Variants in CPAP observed in about 807,000 individuals in gnomAD.
CPAP encodes the protein centrosomal P4.1-associated protein.
the CPAP span, among the ~76,000 whole-genome samples, chr13:24,924,289 A>G: frequency 6.7e-6 from 1 of 148,632 alleles, no homozygotes; most frequent in African/African-American, 2.5e-5. Context: ...AAGTCTCATC[A>G]TTCTTCCTAA....
chr13:24,921,259 G>A, the CPAP span, among the ~76,000 whole-genome samples: 1 of 152,180 alleles, frequency 6.6e-6, no homozygotes, highest in Non-Finnish European at 1.5e-5. Context: ...CCACTCGGTA[G>A]GACCTGCTGC....
chr13:24,923,125 A>G, the CPAP span, among the ~76,000 whole-genome samples: 6 of 152,298 alleles, frequency 3.9e-5, no homozygotes, highest in East Asian at 7.7e-4. Flanking sequence ...ACACTTAGAA[A>G]ACTAAAGGGA....
chr13:24,899,592 G>T, the CPAP span: 1 of 1,611,284 alleles, frequency 6.2e-7, no homozygotes. Flanking sequence ...TTCCTAAAAT[G>T]ACCAAACTAT....
the CPAP span, chr13:24,892,942 C>T: frequency 9.4e-7 from 1 of 1,064,700 alleles, no homozygotes; most frequent in East Asian, 2.4e-5. Context: ...GAATAGAGAC[C>T]CAGCAATGAA....
the CPAP span, among the ~76,000 whole-genome samples, chr13:24,921,620 T>G: frequency 7.8e-6 from 1 of 128,946 alleles, no homozygotes; most frequent in African/African-American, 3.0e-5. Context: ...TCTAAAAAAG[T>G]AATGACTTTT....
At chr13:24,890,598 A>C in the CPAP span, among the ~76,000 whole-genome samples, 2 of 152,176 alleles carry the variant, frequency 1.3e-5, no homozygotes, top group African/African-American at 4.8e-5. Flanking sequence ...GCTGAATAAG[A>C]AAAAAATATG....
chr13:24,921,742 G>A, the CPAP span, among the ~76,000 whole-genome samples: 1 of 151,884 alleles, frequency 6.6e-6, no homozygotes, highest in Non-Finnish European at 1.5e-5. Flanking sequence ...TTCATAATAT[G>A]GAAAACTAGA....
At chr13:24,891,490 T>C in the CPAP span, among the ~76,000 whole-genome samples, 13 of 152,124 alleles carry the variant, frequency 8.5e-5, no homozygotes, top group Non-Finnish European at 1.8e-4. Flanking sequence ...TCCTAGTCAG[T>C]GGGACCTTCA....
At chr13:24,926,661 C>G in the CPAP span, among the ~76,000 whole-genome samples, 68 of 152,216 alleles carry the variant, frequency 4.5e-4, 1 homozygote, top group Admixed American at 1.0e-3. Flanking sequence ...CCTGAGCCCC[C>G]TCCTCCAATA....
At chr13:24,903,876 T>C in the CPAP span, 5 of 1,577,102 alleles carry the variant, frequency 3.2e-6, no homozygotes, top group African/African-American at 6.7e-5. Flanking sequence ...GTCTTAAAGG[T>C]ATAACTGAGT....
At chr13:24,894,943 C>A in the CPAP span, among the ~76,000 whole-genome samples, 1 of 152,052 alleles carries the variant, frequency 6.6e-6, no homozygotes, top group East Asian at 1.9e-4. Flanking sequence ...GAGGAAACGA[C>A]CTGCGGGGTG....
chr13:24,927,074 A>C, the CPAP span, among the ~76,000 whole-genome samples: 3 of 152,224 alleles, frequency 2.0e-5, no homozygotes, highest in Non-Finnish European at 4.4e-5. Context: ...GCACTGGAGA[A>C]GTGCACACAG....
At chr13:24,922,515 G>C in the CPAP span, among the ~76,000 whole-genome samples, 1 of 152,244 alleles carries the variant, frequency 6.6e-6, no homozygotes, top group South Asian at 2.1e-4. Flanking sequence ...CAGAGAGACA[G>C]ACACCCCAGA....
chr13:24,906,974 A>G, the CPAP span: 6 of 1,609,966 alleles, frequency 3.7e-6, no homozygotes, highest in South Asian at 5.5e-5. Flanking sequence ...AAATAAAAGA[A>G]TAATATTTGA....
the CPAP span, among the ~76,000 whole-genome samples, chr13:24,930,117 GCCA>G: frequency 6.6e-6 from 1 of 151,512 alleles, no homozygotes; most frequent in Non-Finnish European, 1.5e-5. Context: ...TCGCTATGTT[GCCA>G]AGGCAAACTC....
At chr13:24,889,946 G>A in the CPAP span, among the ~76,000 whole-genome samples, 43 of 152,086 alleles carry the variant, frequency 2.8e-4, no homozygotes, top group Non-Finnish European at 4.4e-4. Flanking sequence ...CATCCTTCTT[G>A]GTGTCCTACC....
chr13:24,908,673 T>C, the CPAP span, among the ~76,000 whole-genome samples: 1 of 152,202 alleles, frequency 6.6e-6, no homozygotes, highest in Non-Finnish European at 1.5e-5. Context: ...TGGGGTTTTC[T>C]AGAGATTAAA....
At chr13:24,923,763 A>G in the CPAP span, among the ~76,000 whole-genome samples, 4 of 152,190 alleles carry the variant, frequency 2.6e-5, no homozygotes, top group Non-Finnish European at 5.9e-5. Flanking sequence ...TTTCTACTTC[A>G]AAAAGAGTCT....
At chr13:24,898,501 T>G in the CPAP span, among the ~76,000 whole-genome samples, 1 of 152,192 alleles carries the variant, frequency 6.6e-6, no homozygotes, top group Non-Finnish European at 1.5e-5. Flanking sequence ...TTTTGTAACT[T>G]TTGAATGATA....
Sources: allele counts gnomAD v4.1 joint callset (sites outside exome capture counted in the v4.1 genomes callset), GRCh38; gene constraint gnomAD v4.1.1; transcripts MANE v1.5; gene names NCBI Gene and HGNC (gene_info 2026-07-23, HGNC 2026-07-21).